Variants in HLA-DRA observed in about 807,000 individuals in gnomAD.
HLA-DRA encodes HLA class II histocompatibility antigen, DR alpha chain.
Under a neutral mutation model 22.1 loss-of-function variants are expected in HLA-DRA, and 8 were observed. The observed-to-expected ratio is 0.36, with a 90% CI of 0.21 to 0.65. The LOEUF (loss-of-function observed/expected upper bound fraction) is 0.65. Among genes scored for constraint, HLA-DRA ranks in the 30% least tolerant of loss-of-function variants. The probability of loss-of-function intolerance (pLI) is 0.63; values close to 1 mark genes in which losing one functional copy is unlikely to be tolerated. For missense variants in HLA-DRA, 248 were observed against 321.3 expected (o/e 0.77, Z 1.74); for synonymous variants, 101 against 117.1 (o/e 0.86, Z 0.89).
At position 32,443,358 on chromosome 6, in the gene HLA-DRA, C is replaced by G; in HGVS notation, c.502C>G (p.His168Asp). Residue 168 changes from histidine (H) to aspartate (D), a missense_variant, in exon 3 of 5, where the codon CAC (histidine) becomes GAC (aspartate). Physicochemically the swap from His to Asp is moderately conservative, Grantham distance 81. Transcript: ENST00000395388. ...GACAGTCTTCCTGCCCAGGGAAGACCACCTTTTCCGCAAGTTCCACTATCT... is the reference window on the plus strand; with the variant it reads ...GACAGTCTTCCTGCCCAGGGAAGACGACCTTTTCCGCAAGTTCCACTATCT... ...SETVFLPRED[H>D]LFRKFHYLPF... The G allele has an allele frequency of 6.2e-7, 1 of 1,612,866 alleles. No individual in the cohort carries two copies. The highest frequency in any genetic ancestry group is 8.5e-7 in the Non-Finnish European group (1 of 1,179,894).
chr6:32,443,942 G>A, intron 4 of HLA-DRA, 21 bp downstream of exon 4: 1 of 1,536,990 alleles, frequency 6.5e-7, no homozygotes. Flanking sequence ...TGTGGTCAGA[G>A]GAAGACGTAT....
At position 32,443,180 on chromosome 6, in the gene HLA-DRA, C is replaced by A. The variant is rs370284766; in HGVS notation, c.329-5C>A. The A allele has an allele frequency of 9.3e-6, 15 of 1,610,704 alleles. No individual in the cohort carries two copies. In the African/African-American group the frequency reaches 2.0e-4, roughly 22 times the overall value. On this transcript the variant is annotated splice_polypyrimidine_tract_variant and splice_region_variant and intron_variant, in intron 2 of 4. Transcript: ENST00000395388. ...TTTCTGTCATGTCTGTCATGTGTCC[C>A]CCAGTACCTCCAGAGGTAACTGTGC...
intron 2 of HLA-DRA, 141 bp downstream of exon 2, chr6:32,442,834 GC>G: frequency 9.9e-7 from 1 of 1,010,138 alleles, no homozygotes; most frequent in Non-Finnish European, 1.5e-6. Context: ...AAATTCTCAT[GC>G]CAGAGGTCTG....
intron 3 of HLA-DRA, 72 bp from the exon 4 acceptor site, chr6:32,443,684 A>C (rs1762759704): frequency 7.2e-7 from 1 of 1,379,408 alleles, no homozygotes; most frequent in East Asian, 2.3e-5. Context: ...TTTATTAAGA[A>C]CCCTACATTT....
chr6:32,440,071 C>G (rs750816033), intron 1 of HLA-DRA, 39 bp downstream of exon 1: 8 of 1,527,492 alleles, frequency 5.2e-6, no homozygotes, highest in Middle Eastern at 1.7e-4. Flanking sequence ...CGATAGACTA[C>G]GAAGCATTGG....
rs1400554457 is a variant in HLA-DRA at position 32,443,785 on chromosome 6, A to C, written c.640A>C (p.Thr214Pro). Reference sequence around the variant, plus strand: ...TGATGCTCCAAGCCCTCTCCCAGAGACTACAGAGAACGTGGTGTGTGCCCT... The same window carrying C: ...TGATGCTCCAAGCCCTCTCCCAGAGCCTACAGAGAACGTGGTGTGTGCCCT... ...EFDAPSPLPE[T>P]TENVVCALGL... is the part of the protein sequence containing the mutation. Residue 214 changes from threonine (T) to proline (P), a missense_variant, in exon 4 of 5, where the codon ACT (threonine) becomes CCT (proline). Transcript: ENST00000395388. The C allele has an allele frequency of 1.9e-6, 3 of 1,607,692 alleles. No homozygotes were observed. Among genetic ancestry groups the C allele is most frequent in the Non-Finnish European group, 2.5e-6 (3 of 1,177,820 alleles).
rs1335171043 is a variant in HLA-DRA, at chr6:32,443,267, C to T, written c.411C>T (p.Phe137=). ...PNVLICFIDK[F]TPPVVNVTWL... ...TCCTCATCTGTTTCATAGACAAGTT[C>T]ACCCCACCAGTGGTCAATGTCACGT... The change falls in exon 3 of 5, where the codon TTC becomes TTT. Residue 137 remains phenylalanine, a synonymous_variant. Coordinates refer to ENST00000395388, the MANE Select transcript of HLA-DRA (RefSeq NM_019111.5). The T allele has an allele frequency of 6.2e-7, 1 of 1,612,896 alleles. No homozygotes were observed. The highest frequency in any genetic ancestry group is 1.3e-5 in the African/African-American group (1 of 75,034).
Position 32,443,382 on chromosome 6 carries a change from CT to C in HLA-DRA, c.527del (p.Leu176ProfsTer49). 6.2e-7 allele frequency: 1 copy of C among 1,612,908 alleles called. No individual in the cohort carries two copies. The highest frequency in any genetic ancestry group is 8.5e-7 in the Non-Finnish European group (1 of 1,179,880). On this transcript the variant is annotated frameshift_variant, in exon 3 of 5. Transcript: ENST00000395388. LOFTEE classifies it high-confidence loss of function. ...CCACCTTTTCCGCAAGTTCCACTAT[CT>C]CCCCTTCCTGCCCTCAACTGAGGAC... The part of the protein sequence containing the change: ...EDHLFRKFHY[L>X]PFLPSTEDVY...
Position 32,443,285 on chromosome 6 carries a change from T to C in HLA-DRA, c.429T>C (p.Asn143=), listed in dbSNP as rs1762732352. The C allele has an allele frequency of 6.2e-7, 1 of 1,613,060 alleles. No individual in the cohort carries two copies. Among genetic ancestry groups the C allele is most frequent in the African/African-American group, 1.3e-5 (1 of 75,032 alleles). Reference sequence around the variant, plus strand: ...ACAAGTTCACCCCACCAGTGGTCAATGTCACGTGGCTTCGAAATGGAAAAC... The same window carrying C: ...ACAAGTTCACCCCACCAGTGGTCAACGTCACGTGGCTTCGAAATGGAAAAC... ...FIDKFTPPVV[N]VTWLRNGKPV... The change falls in exon 3 of 5, where the codon AAT becomes AAC. Residue 143 remains asparagine, a synonymous_variant. Coordinates refer to ENST00000395388, the MANE Select transcript of HLA-DRA (RefSeq NM_019111.5).
intron 1 of HLA-DRA, among the ~76,000 whole-genome samples, chr6:32,441,631 A>G (rs2150372559): frequency 6.6e-6 from 1 of 152,348 alleles, no homozygotes; most frequent in South Asian, 2.1e-4. Flanking sequence ...CATAGAGGTA[A>G]CCACCGTGTG....
rs552360101 is a variant in HLA-DRA at position 32,443,472 on chromosome 6, G to A, written c.610+6G>A. ...GCCTCTTCTCAAGCACTGGGGTATG[G>A]ACCAACACTCAATCTCCTTTATTTC... On this transcript the variant is annotated splice_donor_region_variant and intron_variant, in intron 3 of 4. Transcript: ENST00000395388. 9 of 1,609,286 alleles carry A rather than the reference G, an allele frequency of 5.6e-6. No homozygotes were observed. The highest frequency in any genetic ancestry group is 1.7e-5 in the Admixed American group (1 of 59,934).
At chr6:32,443,659 T>C in intron 3 of HLA-DRA, 97 bp from the exon 4 acceptor site, 5 of 1,273,684 alleles carry the variant, frequency 3.9e-6, no homozygotes, top group African/African-American at 3.0e-5. Flanking sequence ...CTTTAATCTA[T>C]GAATAACTTT....
chr6:32,442,706 C>A lies in HLA-DRA; in HGVS notation c.328+13C>A. ...CCGATCACCAATGGTACCTCCCTCT[C>A]TGCTGCACTCCTGGACATGGGAATC... On this transcript the variant is annotated intron_variant, in intron 2 of 4. Transcript: ENST00000395388. The A allele has an allele frequency of 6.2e-7, 1 of 1,612,458 alleles. No homozygotes were observed. The highest frequency in any genetic ancestry group is 8.5e-7 in the Non-Finnish European group (1 of 1,179,458).
chr6:32,442,332 C>T (rs563879923), intron 1 of HLA-DRA, 116 bp from the exon 2 acceptor site: 1 of 1,239,260 alleles, frequency 8.1e-7, no homozygotes, highest in African/African-American at 1.5e-5. Context: ...ATCATTCTTT[C>T]ATTCCTCTTG....
intron 1 of HLA-DRA, 152 bp from the exon 2 acceptor site, chr6:32,442,296 T>C: frequency 1.1e-6 from 1 of 905,078 alleles, no homozygotes; most frequent in Non-Finnish European, 1.7e-6. Context: ...ACCCAGACCT[T>C]GTCTTGTCAC....
intron 4 of HLA-DRA, among the ~76,000 whole-genome samples, chr6:32,444,295 A>T (rs956933724): frequency 6.6e-5 from 10 of 152,188 alleles, no homozygotes; most frequent in Admixed American, 6.5e-5. Context: ...ATTTGGGCAC[A>T]TCCTAGCTTG....
chr6:32,443,928 T>C lies in HLA-DRA; in HGVS notation c.*11+7T>C. 1 of 1,568,020 alleles carries C rather than the reference T, an allele frequency of 6.4e-7. No homozygotes were observed. The highest frequency in any genetic ancestry group is 8.6e-7 in the Non-Finnish European group (1 of 1,158,780). ...CTCTGTAAGGCACATGGAGGTGAGT[T>C]AGGTGTGGTCAGAGGAAGACGTATA... On this transcript the variant is annotated splice_region_variant and intron_variant, in intron 4 of 4. Transcript: ENST00000395388.
chr6:32,440,169 C>T, intron 1 of HLA-DRA, 137 bp downstream of exon 1: 1 of 820,430 alleles, frequency 1.2e-6, no homozygotes, highest in Non-Finnish European at 2.0e-6. Flanking sequence ...GAAAGTATAA[C>T]AAATTGTGGT....
At chr6:32,443,577 C>A in intron 3 of HLA-DRA, 111 bp downstream of exon 3, 2 of 1,153,242 alleles carry the variant, frequency 1.7e-6, no homozygotes, top group Non-Finnish European at 2.5e-6. Flanking sequence ...ATATAACTGT[C>A]TTCTCCTACT....
Sources: gnomAD v4.1 joint callset for allele counts (sites outside exome capture counted in the v4.1 genomes callset) on GRCh38, gnomAD v4.1.1 for gene constraint, MANE v1.5 for transcripts, NCBI Gene and HGNC (gene_info 2026-07-23, HGNC 2026-07-21) for gene names.